Variants in TRIP12 observed in about 807,000 individuals in gnomAD.
The protein encoded by TRIP12 is thyroid hormone receptor interactor 12, also known as E3 ubiquitin-protein ligase TRIP12.
A neutral mutation model predicts 244.2 loss-of-function variants in TRIP12; 25 were observed. That is an observed-to-expected ratio of 0.10 (90% CI 0.07 to 0.14). TRIP12 has a LOEUF of 0.14. Ranked by LOEUF, TRIP12 falls within the 10% of genes least tolerant of loss-of-function variation. The pLI, the probability that TRIP12 is intolerant of heterozygous loss-of-function variation, is 1.00. For missense variants in TRIP12, 1,677 were observed against 2,486.4 expected, an observed-to-expected ratio of 0.67 and a Z score of 6.92; for synonymous variants, 905 against 873.1, an observed-to-expected ratio of 1.04 and a Z score of -0.64.
At chr2:229,901,601 T>TGCA (rs1421883516) in intron 1 of TRIP12, among the ~76,000 whole-genome samples, 194 of 131,486 alleles carry the variant, frequency 1.5e-3, no homozygotes, top group African/African-American at 5.1e-3. Flanking sequence ...CCAGCCTGGG[T>TGCA]GACAGAATGA....
At position 229,894,791 on chromosome 2, in the gene TRIP12, T is replaced by C. The variant is rs1464245402; in HGVS notation, c.-49-14663A>G. Among the ~76,000 whole-genome samples the C allele has an allele frequency of 3.9e-5, 6 of 152,310 alleles. No homozygotes were observed. The East Asian group carries it at 7.7e-4, about 20-fold the overall frequency. On this transcript the variant is annotated intron_variant, in intron 1 of 41. Coordinates refer to ENST00000675903, the MANE Select transcript of TRIP12 (RefSeq NM_001348323.3). ...ATTTAACGTGCCTAAGAATTACCTA[T>C]GGATCTTGTTAAAATTCACATTCTT...
At chr2:229,878,690 C>T (rs2064151124) in intron 2 of TRIP12, among the ~76,000 whole-genome samples, 1 of 151,324 alleles carries the variant, frequency 6.6e-6, no homozygotes, top group African/African-American at 2.4e-5. Flanking sequence ...ACGCCATTCT[C>T]CTGCCTCAGC....
chr2:229,808,519 T>C, intron 15 of TRIP12, 150 bp from the exon 16 acceptor site: 1 of 599,340 alleles, frequency 1.7e-6, no homozygotes, highest in South Asian at 2.3e-5. Flanking sequence ...AATGCAAAAG[T>C]GCTGTAATAA....
chr2:229,781,529 C>A (rs1479621950), intron 34 of TRIP12, among the ~76,000 whole-genome samples: 1 of 152,140 alleles, frequency 6.6e-6, no homozygotes. Context: ...AGTGGGCAGG[C>A]CAGGCTCCAC....
chr2:229,879,905 T>C (rs762118489), intron 2 of TRIP12, 77 bp downstream of exon 2: 2 of 1,515,644 alleles, frequency 1.3e-6, no homozygotes, highest in Non-Finnish European at 1.8e-6. Context: ...CATTCAAGTT[T>C]TGGACCTCGC....
At chr2:229,774,632 C>T (rs922622907) in intron 37 of TRIP12, among the ~76,000 whole-genome samples, 1 of 152,108 alleles carries the variant, frequency 6.6e-6, no homozygotes, top group Non-Finnish European at 1.5e-5. Flanking sequence ...GAATCCAATA[C>T]TGTATAAGTA....
Position 229,802,365 on chromosome 2 carries a change from G to C in TRIP12, c.3093C>G (p.Ser1031=). 3.1e-6 allele frequency: 5 copies of C among 1,613,806 alleles called. No homozygotes were observed. The highest frequency in any genetic ancestry group is 3.4e-6 in the Non-Finnish European group (4 of 1,179,928). Reference sequence around the variant, plus strand: ...CTGTCCCACTGCTGACTGAAGTTGTGGATCCCATGGATCCCGATCCATTCG... The same window carrying C: ...CTGTCCCACTGCTGACTGAAGTTGTCGATCCCATGGATCCCGATCCATTCG... ...ACTNGSGSMG[S]TTSVSSGTAT... is the part of the protein sequence containing the mutation. Residue 1031 remains serine (S), a synonymous_variant, in exon 21 of 42, where the codon TCC becomes TCG. Coordinates refer to ENST00000675903, the MANE Select transcript of TRIP12 (RefSeq NM_001348323.3).
chr2:229,886,989 A>G (rs1324851296), intron 1 of TRIP12, among the ~76,000 whole-genome samples: 1 of 152,200 alleles, frequency 6.6e-6, no homozygotes, highest in African/African-American at 2.4e-5. Flanking sequence ...GTAAGTTAAA[A>G]TAACCCTAAG....
intron 4 of TRIP12, 97 bp downstream of exon 4, chr2:229,858,675 T>G: frequency 9.6e-7 from 1 of 1,046,524 alleles, no homozygotes; most frequent in East Asian, 2.6e-5. Context: ...TATCTAAGAC[T>G]GGGGGGAAAA....
chr2:229,770,482 T>C (rs1490181574), intron 39 of TRIP12, among the ~76,000 whole-genome samples: 1 of 152,126 alleles, frequency 6.6e-6, no homozygotes, highest in Admixed American at 6.6e-5. Context: ...AATCAAAAAT[T>C]TATAGATTTA....
chr2:229,818,557 T>G (rs369767768), intron 8 of TRIP12, 45 bp from the exon 9 acceptor site: 1 of 1,555,652 alleles, frequency 6.4e-7, no homozygotes, highest in Non-Finnish European at 8.8e-7. Flanking sequence ...TTTAAGAAAA[T>G]TATTACTAGG....
chr2:229,885,690 T>G (rs1422298673), intron 1 of TRIP12, among the ~76,000 whole-genome samples: 2 of 152,212 alleles, frequency 1.3e-5, no homozygotes, highest in Non-Finnish European at 2.9e-5. Flanking sequence ...TAAGCCTATC[T>G]TTAAAGTGGG....
intron 1 of TRIP12, among the ~76,000 whole-genome samples, chr2:229,890,032 G>C (rs2066943550): frequency 6.7e-6 from 1 of 150,366 alleles, no homozygotes; most frequent in South Asian, 2.1e-4. Context: ...ATATATTCTT[G>C]TCACTATTGT....
chr2:229,859,362 G>A lies in TRIP12; in HGVS notation c.437C>T (p.Thr146Ile). 1 of 1,614,174 alleles carries A rather than the reference G, an allele frequency of 6.2e-7. No individual in the cohort carries two copies. Among genetic ancestry groups the A allele is most frequent in the Non-Finnish European group, 8.5e-7 (1 of 1,180,032 alleles). ...CTTTGACTTACTATGTGGCTTATTT[G>A]TTTCTGAGGGAGATTCAGTATGCTG... ...ALQHTESPSE[T>I]NKPHSKSKKR... The change falls in exon 4 of 42, where the codon ACA becomes ATA. Residue 146 changes from threonine to isoleucine, a missense_variant. Physicochemically the swap from Thr to Ile is moderately conservative, Grantham distance 89. Around this residue, in one of 11 missense-constraint regions of TRIP12, gnomAD observed 387 missense variants for 392.6 expected, o/e 0.99. Coordinates refer to ENST00000675903, the MANE Select transcript of TRIP12 (RefSeq NM_001348323.3).
At chr2:229,846,416 T>C (rs902072191) in intron 4 of TRIP12, among the ~76,000 whole-genome samples, 4 of 152,194 alleles carry the variant, frequency 2.6e-5, no homozygotes, top group South Asian at 4.1e-4. Context: ...AGATGATCAT[T>C]AGCAATTTTT....
intron 4 of TRIP12, among the ~76,000 whole-genome samples, chr2:229,844,234 T>G (rs2057111058): frequency 6.6e-6 from 1 of 152,202 alleles, no homozygotes; most frequent in South Asian, 2.1e-4. Flanking sequence ...TTTTATAAAT[T>G]TTAAAATGTA....
At chr2:229,830,200 C>T (rs1021424204) in intron 7 of TRIP12, among the ~76,000 whole-genome samples, 4 of 152,154 alleles carry the variant, frequency 2.6e-5, no homozygotes, top group Admixed American at 2.0e-4. Context: ...ATACACTATA[C>T]ATTCATTTTG....
intron 1 of TRIP12, among the ~76,000 whole-genome samples, chr2:229,881,359 T>G (rs1207219070): frequency 6.6e-6 from 1 of 152,232 alleles, no homozygotes; most frequent in African/African-American, 2.4e-5. Flanking sequence ...TTTGTAAGCC[T>G]GCAGTCAAAT....
chr2:229,804,160 A>G lies in TRIP12; in HGVS notation c.2718T>C (p.Ala906=). The change falls in exon 19 of 42, where the codon GCT becomes GCC. Residue 906 remains alanine (A), a synonymous_variant. Coordinates refer to ENST00000675903, the MANE Select transcript of TRIP12 (RefSeq NM_001348323.3). The stretch of plus-strand genomic sequence containing the variant: ...CAAATAATGTCTTAATAAAAGACTT[A>G]GCCAGTTCCGGATCCTCTTTCATAA... ...AQLMKEDPEL[A]KSFIKTLFGV... 1 of 1,614,172 alleles carries G rather than the reference A, an allele frequency of 6.2e-7. No homozygotes were observed.
Sources: gnomAD v4.1 joint callset for allele counts (sites outside exome capture counted in the v4.1 genomes callset) on GRCh38, gnomAD v4.1.1 for gene constraint, gnomAD v4.1.1 regional missense constraint, MANE v1.5 for transcripts, NCBI Gene and HGNC (gene_info 2026-07-23, HGNC 2026-07-21) for gene names.